NXNL2: variants seen among roughly 807,000 people sequenced by gnomAD.
The protein encoded by NXNL2 is nucleoredoxin like 2, also known as nucleoredoxin-like protein 2.
In NXNL2, 7 loss-of-function variants were observed where a neutral mutation model predicts 11.1. The observed-to-expected ratio is 0.63, with a 90% confidence interval of 0.36 to 1.18. The LOEUF (loss-of-function observed/expected upper bound fraction) is 1.18. Ranked by LOEUF, NXNL2 falls within the 50% of genes most tolerant of loss-of-function variation. The probability of loss-of-function intolerance (pLI) is 0.02; values close to 1 mark genes in which losing one functional copy is unlikely to be tolerated. For synonymous variants in NXNL2, 109 were observed against 101.8 expected (o/e 1.07, Z -0.42); for missense variants, 233 against 217.7 (o/e 1.07, Z -0.44).
chr9:88,550,591 A>G (rs1268456398), intron 1 of NXNL2, among the ~76,000 whole-genome samples: 1 of 152,244 alleles, frequency 6.6e-6, no homozygotes, highest in Non-Finnish European at 1.5e-5. Flanking sequence ...CATAGGTCAT[A>G]GGTAGATTCA....
intron 1 of NXNL2, among the ~76,000 whole-genome samples, chr9:88,537,083 A>G (rs559939594): frequency 6.6e-6 from 1 of 152,360 alleles, no homozygotes; most frequent in South Asian, 2.1e-4. Flanking sequence ...TTTACTTGCC[A>G]GGTGATGGCA....
Position 88,540,763 on chromosome 9 carries a change from T to C in NXNL2, c.303-3616T>C, listed in dbSNP as rs1456173299. On this transcript the variant is annotated intron_variant, in intron 1 of 1. Coordinates refer to ENST00000375854, the MANE Select transcript of NXNL2 (RefSeq NM_001161625.2). ...GTGGGGGCTGTGTCCATTGGTTCTT[T>C]GGGGAATAGGCCTGTCCTGGCAGGG... is the stretch of plus-strand genomic sequence containing the variant. 1.2e-3 allele frequency among the ~76,000 whole-genome samples: 132 copies of C among 112,414 alleles called. 1 individual carries two copies. Among genetic ancestry groups the C allele is most frequent in the Non-Finnish European group, 1.4e-4 (8 of 55,528 alleles). 73.7% of individuals were successfully genotyped at this position (112,414 alleles called of 152,430 possible). A position where few individuals can be genotyped will look rare whatever the true frequency, so the allele number is the denominator to read the frequency against.
chr9:88,537,671 T>C (rs1337072793), intron 1 of NXNL2, among the ~76,000 whole-genome samples: 1 of 152,214 alleles, frequency 6.6e-6, no homozygotes, highest in Non-Finnish European at 1.5e-5. Flanking sequence ...GATTGGCTCT[T>C]GGTTCAAAGA....
At chr9:88,571,053 G>C (rs890572928) in intron 1 of NXNL2, 1 of 413,760 alleles carries the variant, frequency 2.4e-6, no homozygotes, top group Non-Finnish European at 4.7e-6. Flanking sequence ...CCCCAATACT[G>C]TTTTGATGCT....
chr9:88,583,926 C>T (rs549426868), intron 1 of NXNL2: 34 of 152,278 alleles, frequency 2.2e-4, no homozygotes, highest in African/African-American at 7.7e-4. Context: ...TGTGGACTTC[C>T]CTACCTCTAG....
intron 1 of NXNL2, among the ~76,000 whole-genome samples, chr9:88,536,556 C>G (rs530895661): frequency 6.6e-6 from 1 of 151,888 alleles, no homozygotes; most frequent in Admixed American, 6.6e-5. Context: ...CCACCCCCTT[C>G]TAGGTACCAA....
downstream of NXNL2, among the ~76,000 whole-genome samples, chr9:88,576,768 G>A (rs892971287): frequency 3.9e-5 from 6 of 152,166 alleles, no homozygotes; most frequent in African/African-American, 1.4e-4. Context: ...CAGGCAGCCC[G>A]TAGCAGGGAG....
At chr9:88,575,755 T>G (rs1337940605) in exon 3 of NXNL2, 3 of 152,232 alleles carry the variant, frequency 2.0e-5, no homozygotes, top group Non-Finnish European at 4.4e-5. Context: ...TATAATTGCA[T>G]TGTTTGTAAC....
At chr9:88,543,599 T>C (rs1016627723) in intron 1 of NXNL2, among the ~76,000 whole-genome samples, 1 of 152,228 alleles carries the variant, frequency 6.6e-6, no homozygotes, top group Admixed American at 6.5e-5. Context: ...ATGTACCTGA[T>C]ATTTTTCAAC....
downstream of NXNL2, among the ~76,000 whole-genome samples, chr9:88,548,821 T>TG (rs61288522): frequency 0.046 from 7,051 of 152,006 alleles, 510 homozygotes; most frequent in African/African-American, 0.15. Context: ...TAGGTGATGG[T>TG]GGTGTTAGGA....
chr9:88,553,340 C>T (rs1829967708), intron 1 of NXNL2, among the ~76,000 whole-genome samples: 1 of 151,972 alleles, frequency 6.6e-6, no homozygotes. Context: ...GAGTGAAATT[C>T]TGTCTCAAAA....
chr9:88,535,455 G>A lies in NXNL2; in HGVS notation c.21G>A (p.Glu7=). 6.2e-7 allele frequency: 1 copy of A among 1,603,994 alleles called. No individual in the cohort carries two copies. The highest frequency in any genetic ancestry group is 8.5e-7 in the Non-Finnish European group (1 of 1,175,968). MVDILG[E]RHLVTCKGAT... ...GCGCCATGGTTGACATTCTGGGCGA[G>A]CGGCACCTGGTGACCTGTAAGGGCG... is the stretch of plus-strand genomic sequence containing the variant. Residue 7 remains glutamate, a synonymous_variant, in exon 1 of 2, where the codon GAG becomes GAA. Coordinates refer to ENST00000375854, the MANE Select transcript of NXNL2 (RefSeq NM_001161625.2).
chr9:88,563,076 GA>G (rs1424493670), intron 1 of NXNL2, among the ~76,000 whole-genome samples: 1 of 152,178 alleles, frequency 6.6e-6, no homozygotes, highest in Non-Finnish European at 1.5e-5. Flanking sequence ...GACAGAACGA[GA>G]CTCCATCTCA....
At chr9:88,561,434 T>G (rs1231076221) in intron 1 of NXNL2, among the ~76,000 whole-genome samples, 1 of 151,132 alleles carries the variant, frequency 6.6e-6, no homozygotes, top group Non-Finnish European at 1.5e-5. Flanking sequence ...TCTATCAATC[T>G]ATCGATCAAT....
At chr9:88,548,663 A>C (rs980471725), downstream of NXNL2, among the ~76,000 whole-genome samples, 5 of 148,278 alleles carry the variant, frequency 3.4e-5, no homozygotes, top group Non-Finnish European at 7.4e-5. Context: ...AGCCTGGGTA[A>C]CAGAGCAAGA....
At chr9:88,558,503 T>C (rs952976649) in intron 1 of NXNL2, among the ~76,000 whole-genome samples, 10 of 152,132 alleles carry the variant, frequency 6.6e-5, no homozygotes, top group African/African-American at 2.4e-4. Context: ...TGAGCTCCTG[T>C]AGCAAATTAA....
Position 88,544,733 on chromosome 9 carries a change from T to C in NXNL2, c.*186T>C. 7.3e-7 allele frequency: 1 copy of C among 1,372,628 alleles called. No individual in the cohort carries two copies. Among genetic ancestry groups the C allele is most frequent in the South Asian group, 1.8e-5 (1 of 54,094 alleles). 85.0% of individuals were successfully genotyped at this position (1,372,628 alleles called of 1,614,324 possible). A position where few individuals can be genotyped will look rare whatever the true frequency, so the allele number is the denominator to read the frequency against. ...AATAATACACTCCATATTTTGATCATGCAGGCTGTTTGTATTATAGTTATT... is the reference window on the plus strand; with the variant it reads ...AATAATACACTCCATATTTTGATCACGCAGGCTGTTTGTATTATAGTTATT... On this transcript the variant is annotated 3_prime_UTR_variant, in exon 2 of 2. Coordinates refer to ENST00000375854, the MANE Select transcript of NXNL2 (RefSeq NM_001161625.2).
At chr9:88,575,123 G>C in exon 3 of NXNL2, 1 of 985,094 alleles carries the variant, frequency 1.0e-6, no homozygotes, top group Non-Finnish European at 1.2e-6. Flanking sequence ...AGATATTGAA[G>C]AGGAGTTGGA....
At chr9:88,555,951 G>A (rs1830004923) in intron 1 of NXNL2, among the ~76,000 whole-genome samples, 1 of 152,194 alleles carries the variant, frequency 6.6e-6, no homozygotes, top group South Asian at 2.1e-4. Context: ...GCACAGGCAT[G>A]GGCTCCATGA....
Sources: allele counts gnomAD v4.1 joint callset (sites outside exome capture counted in the v4.1 genomes callset), GRCh38; gene constraint gnomAD v4.1.1; transcripts MANE v1.5; gene names NCBI Gene and HGNC (gene_info 2026-07-23, HGNC 2026-07-21).